The following FBP2 variants were observed in gnomAD, a reference collection of about 807,000 sequenced individuals.
FBP2 encodes the protein fructose-1,6-bisphosphatase isozyme 2.
Under a neutral mutation model 31.6 loss-of-function variants are expected in FBP2, and 27 were observed. That is an observed-to-expected ratio of 0.85 (90% CI 0.63 to 1.18). The LOEUF is 1.18. Among genes scored for constraint, FBP2 ranks in the 50% most tolerant of loss-of-function variants. The probability of loss-of-function intolerance (pLI) is 0.00; values close to 1 mark genes in which losing one functional copy is unlikely to be tolerated. For synonymous variants in FBP2, 168 were observed against 179.8 expected, an observed-to-expected ratio of 0.93 and a Z score of 0.53; for missense variants, 421 against 436.1, an observed-to-expected ratio of 0.97 and a Z score of 0.31.
chr9:94,592,931 A>G (rs775543559), intron 1 of FBP2, among the ~76,000 whole-genome samples: 3 of 152,176 alleles, frequency 2.0e-5, no homozygotes, highest in Non-Finnish European at 4.4e-5. Flanking sequence ...ATAAAGCACC[A>G]AAGAGAACCC....
rs114230965 is a variant in FBP2 at position 94,593,661 on chromosome 9, C to A, written c.66G>T (p.Gly22=). 6.2e-7 allele frequency: 1 copy of A among 1,614,228 alleles called. No individual in the cohort carries two copies. Among genetic ancestry groups the A allele is most frequent in the African/African-American group, 1.3e-5 (1 of 75,066 alleles). ...LTLTRYVMEK[G]RQAKGTGELT... ...GCTCCCCAGTCCCTTTGGCCTGACGCCCCTTTTCCATAACGTAGCGGGTCA... is the reference window on the plus strand; with the variant it reads ...GCTCCCCAGTCCCTTTGGCCTGACGACCCTTTTCCATAACGTAGCGGGTCA... The change falls in exon 1 of 7, where the codon GGG becomes GGT. Residue 22 remains glycine (G), a synonymous_variant. Transcript: ENST00000375337.
In FBP2 at chr9:94,562,138, C is replaced by T. The variant is rs938745517; in HGVS notation, c.825+1204G>A. Among the ~76,000 whole-genome samples the T allele has an allele frequency of 1.3e-4, 20 of 151,770 alleles. No individual in the cohort carries two copies. The South Asian group carries it at 3.1e-3, about 24-fold the overall frequency. On this transcript the variant is annotated intron_variant, in intron 6 of 6. Coordinates refer to ENST00000375337, the MANE Select transcript of FBP2 (RefSeq NM_003837.4). Reference sequence around the variant, plus strand: ...CATCCTGGCTAACATGGTGAAACCCCGTCTCTACTAAAAATACAAAAAATT... The same window carrying T: ...CATCCTGGCTAACATGGTGAAACCCTGTCTCTACTAAAAATACAAAAAATT...
In FBP2 at chr9:94,593,769, C is replaced by G; in HGVS notation, c.-43G>C. On this transcript the variant is annotated 5_prime_UTR_variant, in exon 1 of 7. Coordinates refer to ENST00000375337, the MANE Select transcript of FBP2 (RefSeq NM_003837.4). ...AAATCCTTTTCTCCCGGCAGGAAAC[C>G]TTGCTTACTTCTGAGGGCTGCAGCT... 2 of 1,606,310 alleles carry G rather than the reference C, an allele frequency of 1.2e-6. No homozygotes were observed. The highest frequency in any genetic ancestry group is 2.2e-5 in the South Asian group (2 of 89,698).
chr9:94,581,361 C>T (rs1451385276), intron 3 of FBP2, among the ~76,000 whole-genome samples: 1 of 152,154 alleles, frequency 6.6e-6, no homozygotes, highest in Non-Finnish European at 1.5e-5. Flanking sequence ...GTGCTACTAG[C>T]CAAGCTCACA....
At chr9:94,575,354 T>C (rs1827306120) in intron 3 of FBP2, among the ~76,000 whole-genome samples, 1 of 152,104 alleles carries the variant, frequency 6.6e-6, no homozygotes, top group Non-Finnish European at 1.5e-5. Context: ...TTTATCTGGT[T>C]TGGAACATCA....
chr9:94,567,567 G>T (rs1204846337), intron 4 of FBP2, 160 bp from the exon 5 acceptor site: 2 of 751,308 alleles, frequency 2.7e-6, no homozygotes, highest in Admixed American at 2.7e-5. Context: ...TTCATGAGTG[G>T]TGGGAAGAAT....
intron 4 of FBP2, chr9:94,567,624 A>C: frequency 1.9e-6 from 1 of 514,674 alleles, no homozygotes; most frequent in South Asian, 3.3e-5. Context: ...GTAACACAGC[A>C]AGCAGGAAGA....
chr9:94,584,260 T>G (rs1827402423), intron 3 of FBP2, among the ~76,000 whole-genome samples: 1 of 152,162 alleles, frequency 6.6e-6, no homozygotes, highest in Non-Finnish European at 1.5e-5. Flanking sequence ...GGAGAGGATG[T>G]CAGAGATTCA....
At chr9:94,566,887 C>A (rs1827197466) in intron 5 of FBP2, among the ~76,000 whole-genome samples, 1 of 152,084 alleles carries the variant, frequency 6.6e-6, no homozygotes, top group African/African-American at 2.4e-5. Flanking sequence ...TTTCCATGAA[C>A]TTTTTGAAGG....
At position 94,567,408 on chromosome 9, in the gene FBP2, C is replaced by T; in HGVS notation, c.568-1G>A. 6.2e-7 allele frequency: 1 copy of T among 1,613,900 alleles called. No individual in the cohort carries two copies. Among genetic ancestry groups the T allele is most frequent in the Non-Finnish European group, 8.5e-7 (1 of 1,180,014 alleles). ...CCACCAGGACAAATTCACCAAGAGCCTAGCAACATGAAGAGAGATGCCAGG... is the reference window on the plus strand; with the variant it reads ...CCACCAGGACAAATTCACCAAGAGCTTAGCAACATGAAGAGAGATGCCAGG... On this transcript the variant is annotated splice_acceptor_variant, in intron 4 of 6. Transcript: ENST00000375337. LOFTEE classifies it high-confidence loss of function.
At chr9:94,563,749 C>T (rs10821368) in intron 5 of FBP2, among the ~76,000 whole-genome samples, 61,814 of 151,946 alleles carry the variant, frequency 0.41, 14,035 homozygotes, top group Admixed American at 0.52. Context: ...AAAAGGAAGT[C>T]ACCCATCCCA....
At chr9:94,576,409 A>T (rs1311007806) in intron 3 of FBP2, among the ~76,000 whole-genome samples, 1 of 152,218 alleles carries the variant, frequency 6.6e-6, no homozygotes, top group Non-Finnish European at 1.5e-5. Context: ...GGCAGTGAGC[A>T]TGTGGACCTG....
intron 3 of FBP2, among the ~76,000 whole-genome samples, chr9:94,580,201 G>A (rs553229719): frequency 6.6e-6 from 1 of 152,294 alleles, no homozygotes; most frequent in Non-Finnish European, 1.5e-5. Context: ...GTTAAAGTTT[G>A]TACAACCATA....
Position 94,558,993 on chromosome 9 carries a change from G to C in FBP2, c.965C>G (p.Pro322Arg), listed in dbSNP as rs553774646. 1 of 1,614,100 alleles carries C rather than the reference G, an allele frequency of 6.2e-7. No individual in the cohort carries two copies. The highest frequency in any genetic ancestry group is 8.5e-7 in the Non-Finnish European group (1 of 1,180,028). The change falls in exon 7 of 7, where the codon CCA becomes CGA. Residue 322 changes from proline (P) to arginine (R), a missense_variant. Coordinates refer to ENST00000375337, the MANE Select transcript of FBP2 (RefSeq NM_003837.4). ...HQRVPLILGS[P>R]EDVQEYLTCV... ...GGTGAGATATTCCTGCACATCCTCT[G>C]GTGACCCCAGAATGAGGGGGACTCG...
chr9:94,571,312 T>C, intron 4 of FBP2, 150 bp downstream of exon 4: 1 of 714,612 alleles, frequency 1.4e-6, no homozygotes. Context: ...TTTCTGATGA[T>C]GGTTTTGGCT....
intron 4 of FBP2, 185 bp from the exon 5 acceptor site, chr9:94,567,592 GC>G: frequency 1.7e-6 from 1 of 596,250 alleles, no homozygotes. Flanking sequence ...ACCATATGGA[GC>G]CCACACAGGA....
intron 5 of FBP2, among the ~76,000 whole-genome samples, chr9:94,565,161 G>A (rs1827167249): frequency 6.6e-6 from 1 of 152,054 alleles, no homozygotes; most frequent in South Asian, 2.1e-4. Context: ...ATCACCTGTG[G>A]TCAGGCGTTC....
intron 6 of FBP2, among the ~76,000 whole-genome samples, chr9:94,560,164 G>A (rs1229434770): frequency 2.0e-5 from 3 of 152,298 alleles, no homozygotes; most frequent in African/African-American, 7.2e-5. Flanking sequence ...ACTGTTTCCT[G>A]CACGAGGGGT....
chr9:94,575,384 C>T (rs1032192913), intron 3 of FBP2, among the ~76,000 whole-genome samples: 7 of 152,136 alleles, frequency 4.6e-5, no homozygotes, highest in Non-Finnish European at 8.8e-5. Context: ...AATGACACTG[C>T]ATATGTTCTT....
Sources: gnomAD v4.1 joint callset for allele counts (sites outside exome capture counted in the v4.1 genomes callset) on GRCh38, gnomAD v4.1.1 for gene constraint, MANE v1.5 for transcripts, NCBI Gene and HGNC (gene_info 2026-07-23, HGNC 2026-07-21) for gene names.